Variants in ERMARD observed in about 807,000 individuals in gnomAD.
The protein encoded by ERMARD is ER membrane associated RNA degradation, also known as endoplasmic reticulum membrane-associated RNA degradation protein.
A neutral mutation model predicts 83.9 loss-of-function variants in ERMARD; 71 were observed. That is an observed-to-expected ratio of 0.85 (90% CI 0.70 to 1.03). The LOEUF (loss-of-function observed/expected upper bound fraction) is 1.03, where lower values mean the gene tolerates loss of function less well. Among genes scored for constraint, ERMARD ranks in the 50% least tolerant of loss-of-function variants. ERMARD has a pLI of 0.00. For missense variants in ERMARD, 838 were observed against 810.9 expected (o/e 1.03, Z -0.41); for synonymous variants, 284 against 298.6 (o/e 0.95, Z 0.50).
chr6:169,775,792 G>A, intron 14 of ERMARD, 148 bp from the exon 15 acceptor site: 1 of 1,060,702 alleles, frequency 9.4e-7, no homozygotes, highest in South Asian at 1.7e-5. Context: ...CCACTGTATT[G>A]TCATGGTGGC....
rs2128341044 is a variant in ERMARD, at chr6:169,754,817, C to T, written c.176-466C>T. On this transcript the variant is annotated intron_variant, in intron 2 of 17. Coordinates refer to ENST00000366773, the MANE Select transcript of ERMARD (RefSeq NM_018341.3). ...CCAAACTTATCAAAAAAAATTAAAA[C>T]AACAAAAACTTCATATTATAAATAT... 2.6e-5 allele frequency among the ~76,000 whole-genome samples: 4 copies of T among 152,186 alleles called. No homozygotes were observed. The South Asian group carries it at 8.3e-4, about 32-fold the overall frequency.
At chr6:169,778,403 C>G (rs1217948688) in intron 16 of ERMARD, among the ~76,000 whole-genome samples, 1 of 152,168 alleles carries the variant, frequency 6.6e-6, no homozygotes, top group Non-Finnish European at 1.5e-5. Flanking sequence ...ACGTGATTAA[C>G]AGCAGATTAT....
chr6:169,775,798 G>C (rs1028624412), intron 14 of ERMARD, 142 bp from the exon 15 acceptor site: 2 of 1,102,182 alleles, frequency 1.8e-6, no homozygotes, highest in Non-Finnish European at 2.5e-6. Context: ...TATTGTCATG[G>C]TGGCTTTTTC....
chr6:169,776,604 G>C lies in ERMARD; in HGVS notation c.1670G>C (p.Arg557Thr). 1 of 1,614,258 alleles carries C rather than the reference G, an allele frequency of 6.2e-7. No homozygotes were observed. Among genetic ancestry groups the C allele is most frequent in the Non-Finnish European group, 8.5e-7 (1 of 1,180,052 alleles). ...CAGGTCACCGTTGCCTCAGAGCTGA[G>C]ACACAGGCAGTGGGTGGAAAGGACG... Reference protein sequence around the residue: ...SSQVTVASELRHRQWVERTLR... With the variant: ...SSQVTVASELTHRQWVERTLR... The change falls in exon 16 of 18, where the codon AGA becomes ACA. Residue 557 changes from arginine to threonine, a missense_variant. Physicochemically the swap from Arg to Thr is moderately conservative, Grantham distance 71. Transcript: ENST00000366773.
In ERMARD at chr6:169,760,707, AT is replaced by A; in HGVS notation, c.809del (p.Ile270ThrfsTer26). On this transcript the variant is annotated frameshift_variant, in exon 8 of 18. Transcript: ENST00000366773. LOFTEE classifies it high-confidence loss of function. Reference protein sequence around the residue: ...VMMKSAFILKIMLPYWEVALV... With the variant: ...VMMKSAFILKXMLPYWEVALV... ...GATGAAATCTGCTTTTATATTAAAA[AT>A]CATGTTACCATATTGGGAAGTTGCA... is the stretch of plus-strand genomic sequence containing the variant. The A allele has an allele frequency of 6.2e-7, 1 of 1,614,090 alleles. No homozygotes were observed. The highest frequency in any genetic ancestry group is 1.1e-5 in the South Asian group (1 of 91,066).
At position 169,759,011 on chromosome 6, in the gene ERMARD, A is replaced by G; in HGVS notation, c.551A>G (p.Asn184Ser). ...TTCGTTGGCTCTCCGTGTGGTCTCA[A>G]CCTGCGTAACGTCTTATGGCATGGG... is the stretch of plus-strand genomic sequence containing the variant. ...KVFVGSPCGL[N>S]LRNVLWHGFA... The change falls in exon 6 of 18, where the codon AAC (asparagine) becomes AGC (serine). Residue 184 changes from asparagine to serine, a missense_variant. By Grantham distance (46) the Asn-to-Ser change is conservative. Coordinates refer to ENST00000366773, the MANE Select transcript of ERMARD (RefSeq NM_018341.3). 1 of 1,614,160 alleles carries G rather than the reference A, an allele frequency of 6.2e-7. No homozygotes were observed. Among genetic ancestry groups the G allele is most frequent in the Non-Finnish European group, 8.5e-7 (1 of 1,180,028 alleles).
At chr6:169,775,845 G>A (rs1409504598) in intron 14 of ERMARD, 95 bp from the exon 15 acceptor site, 1 of 1,432,832 alleles carries the variant, frequency 7.0e-7, no homozygotes, top group Non-Finnish European at 9.4e-7. Context: ...TCACAGTCAG[G>A]TCGCTGCTCA....
At chr6:169,765,256 A>G (rs2128351321) in intron 9 of ERMARD, among the ~76,000 whole-genome samples, 1 of 152,384 alleles carries the variant, frequency 6.6e-6, no homozygotes, top group South Asian at 2.1e-4. Flanking sequence ...GATATAATCT[A>G]TCAAAGAATA....
chr6:169,775,061 G>A (rs1285332868), intron 13 of ERMARD, among the ~76,000 whole-genome samples: 1 of 152,154 alleles, frequency 6.6e-6, no homozygotes, highest in African/African-American at 2.4e-5. Context: ...CACCCCAGAC[G>A]TTCACTCCCT....
At chr6:169,756,019 G>A (rs1252016605) in intron 3 of ERMARD, among the ~76,000 whole-genome samples, 1 of 152,218 alleles carries the variant, frequency 6.6e-6, no homozygotes, top group Non-Finnish European at 1.5e-5. Flanking sequence ...TGCCTTGTGT[G>A]TATCTGTTTG....
intron 9 of ERMARD, among the ~76,000 whole-genome samples, chr6:169,766,365 A>G (rs961678482): frequency 4.6e-5 from 7 of 152,226 alleles, no homozygotes; most frequent in Non-Finnish European, 8.8e-5. Flanking sequence ...AGGGCCTGGG[A>G]TTGTACATTT....
intron 5 of ERMARD, 34 bp downstream of exon 5, chr6:169,756,842 T>C: frequency 6.3e-7 from 1 of 1,575,246 alleles, no homozygotes; most frequent in Non-Finnish European, 8.7e-7. Context: ...TGGAGTATAT[T>C]AGTCCGTTTT....
intron 1 of ERMARD, 43 bp downstream of exon 1, chr6:169,751,706 G>C: frequency 2.6e-6 from 4 of 1,530,884 alleles, no homozygotes; most frequent in Non-Finnish European, 2.6e-6. Flanking sequence ...AGCTAGGCAG[G>C]GAGTCGGCGC....
chr6:169,760,892 TA>T, intron 8 of ERMARD, 136 bp downstream of exon 8: 3 of 537,534 alleles, frequency 5.6e-6, no homozygotes, highest in Non-Finnish European at 9.9e-6. Flanking sequence ...GACCTGAAAA[TA>T]AAACACCTTC....
chr6:169,771,909 G>C (rs1317187974), intron 12 of ERMARD: 1 of 151,872 alleles, frequency 6.6e-6, no homozygotes, highest in Non-Finnish European at 1.5e-5. Flanking sequence ...GGTGGCGGGT[G>C]CCTGTAGTCC....
rs138950997 is a variant in ERMARD, at chr6:169,776,517, T to A, written c.1583T>A (p.Ile528Asn). ...GTTCCCACCCTGTTCTGCCCCAGGATTGTGCTGGAAGTGCTGGTTGTGCTC... is the reference window on the plus strand; with the variant it reads ...GTTCCCACCCTGTTCTGCCCCAGGAATGTGCTGGAAGTGCTGGTTGTGCTC... Reference protein sequence around the residue: ...TPVPTLFCPRIVLEVLVVLRS... With the variant: ...TPVPTLFCPRNVLEVLVVLRS... The change falls in exon 16 of 18, where the codon ATT becomes AAT. Residue 528 changes from isoleucine to asparagine, a missense_variant. Ile to Asn is a moderately radical substitution (Grantham distance 149). Coordinates refer to ENST00000366773, the MANE Select transcript of ERMARD (RefSeq NM_018341.3). 9.9e-6 allele frequency: 16 copies of A among 1,614,018 alleles called. No homozygotes were observed. In the African/African-American group the frequency reaches 2.0e-4, roughly 20 times the overall value.
Position 169,756,805 on chromosome 6 carries a change from T to G in ERMARD, c.504T>G (p.Ser168=). ...SEELAQVFSQ[S]VMNVLKVFVG... The stretch of plus-strand genomic sequence containing the variant: ...AGCTTGCTCAAGTCTTCAGTCAGTC[T>G]GTGGTAAGCTTGTTCATCTAAACTC... Residue 168 remains serine (S), a synonymous_variant, in exon 5 of 18, where the codon TCT becomes TCG. Coordinates refer to ENST00000366773, the MANE Select transcript of ERMARD (RefSeq NM_018341.3). 6.2e-7 allele frequency: 1 copy of G among 1,613,858 alleles called. No homozygotes were observed. The highest frequency in any genetic ancestry group is 8.5e-7 in the Non-Finnish European group (1 of 1,179,906).
intron 13 of ERMARD, 36 bp from the exon 14 acceptor site, chr6:169,775,234 T>A (rs767485011): frequency 5.0e-6 from 8 of 1,603,952 alleles, no homozygotes; most frequent in Non-Finnish European, 6.0e-6. Context: ...GAAGTTACTG[T>A]GAAATCTACA....
At chr6:169,768,061 A>G (rs1792440396) in intron 10 of ERMARD, 42 bp from the exon 11 acceptor site, 1 of 1,520,466 alleles carries the variant, frequency 6.6e-7, no homozygotes, top group South Asian at 1.1e-5. Flanking sequence ...ATGTTTATGT[A>G]TGGGGACCAG....
Sources: allele counts gnomAD v4.1 joint callset (sites outside exome capture counted in the v4.1 genomes callset), GRCh38; gene constraint gnomAD v4.1.1; transcripts MANE v1.5; gene names NCBI Gene and HGNC (gene_info 2026-07-23, HGNC 2026-07-21).